Variants in GLI3 observed in about 807,000 individuals in gnomAD.
GLI3 encodes GLI family zinc finger 3.
GLI3 carries 20 observed loss-of-function variants against 100.8 expected under a neutral mutation model. The ratio of observed to expected loss-of-function variants is 0.20; its 90% CI spans 0.14 to 0.29. The LOEUF (loss-of-function observed/expected upper bound fraction) is 0.29, where lower values mean the gene tolerates loss of function less well. Ranked by LOEUF, GLI3 falls within the 10% of genes least tolerant of loss-of-function variation. The pLI is 1.00. For synonymous variants in GLI3, 938 were observed against 860.5 expected (o/e 1.09, Z -1.58); for missense variants, 2,040 against 2,128.5 (o/e 0.96, Z 0.82).
rs185560813 is a variant in GLI3, at chr7:41,983,561, C to T, written c.1498-4813G>A. Among the ~76,000 whole-genome samples, 49 of 152,202 alleles carry T rather than the reference C, an allele frequency of 3.2e-4. No homozygotes were observed. In the East Asian group the frequency reaches 5.2e-3, roughly 16 times the overall value. On this transcript the variant is annotated intron_variant, in intron 10 of 14. Transcript: ENST00000395925. ...AAATTTGACTTCCCAGCAGTGAAAA[C>T]GTTAATCAAATATATAAATAATTTA...
intron 2 of GLI3, chr7:42,152,472 C>G: frequency 1.1e-6 from 1 of 951,894 alleles, no homozygotes; most frequent in Non-Finnish European, 1.3e-6. Flanking sequence ...CTCCCTCTCC[C>G]TCTCCCAGGC....
At position 42,200,850 on chromosome 7, in the gene GLI3, C is replaced by T. The variant is rs1788024326; in HGVS notation, c.124+22280G>A. Reference sequence around the variant, plus strand: ...ATATGTGGATTGGTTAAACCTGAGCCTGTGCAAAAACACAGGACAGACTGA... The same window carrying T: ...ATATGTGGATTGGTTAAACCTGAGCTTGTGCAAAAACACAGGACAGACTGA... On this transcript the variant is annotated intron_variant, in intron 2 of 14. Transcript: ENST00000395925. Among the ~76,000 whole-genome samples, 3 of 152,100 alleles carry T rather than the reference C, an allele frequency of 2.0e-5. No homozygotes were observed. In the South Asian group the frequency reaches 6.2e-4, roughly 31 times the overall value.
intron 10 of GLI3, among the ~76,000 whole-genome samples, chr7:41,994,228 G>C (rs1788065558): frequency 1.3e-5 from 2 of 152,184 alleles, no homozygotes; most frequent in South Asian, 4.1e-4. Context: ...TATCTCACTG[G>C]AATTTGGGCC....
chr7:42,118,379 A>G, intron 3 of GLI3: 1 of 398,508 alleles, frequency 2.5e-6, no homozygotes, highest in Non-Finnish European at 4.4e-6. Flanking sequence ...GATGGATACA[A>G]AGTTTAGAGA....
chr7:42,023,926 G>A (rs550396393), intron 9 of GLI3, among the ~76,000 whole-genome samples: 7 of 151,814 alleles, frequency 4.6e-5, no homozygotes, highest in African/African-American at 1.2e-4. Context: ...AAAACAAAAC[G>A]TAAAACAAAC....
chr7:42,191,655 A>AAAAT lies in GLI3; in HGVS notation c.124+31474_124+31475insATTT, dbSNP rs1429455450. ...ACAAGAGCGAAACTCCGTTTCAAAA[A>AAAAT]ATATATATATATATATATAATATTT... On this transcript the variant is annotated intron_variant, in intron 2 of 14. Coordinates refer to ENST00000395925, the MANE Select transcript of GLI3 (RefSeq NM_000168.6). Among the ~76,000 whole-genome samples the AAAAT allele has an allele frequency of 1.3e-4, 20 of 148,750 alleles. No homozygotes were observed. The South Asian group carries it at 1.7e-3, about 13-fold the overall frequency.
In GLI3 at chr7:41,973,716, A is replaced by G. The variant is rs1787429227; in HGVS notation, c.1813-1089T>C. Among the ~76,000 whole-genome samples, 3 of 152,294 alleles carry G rather than the reference A, an allele frequency of 2.0e-5. No individual in the cohort carries two copies. The South Asian group carries it at 6.2e-4, about 32-fold the overall frequency. On this transcript the variant is annotated intron_variant, in intron 12 of 14. Coordinates refer to ENST00000395925, the MANE Select transcript of GLI3 (RefSeq NM_000168.6). ...TTTAAAAGGATGCCGTGTCTTGTAG[A>G]ATGTATGTCTAAAAGATGCTTTTTC... is the stretch of plus-strand genomic sequence containing the variant.
chr7:42,229,239 CTCT>C (rs767137345), intron 1 of GLI3, among the ~76,000 whole-genome samples: 15 of 152,182 alleles, frequency 9.9e-5, no homozygotes, highest in Non-Finnish European at 1.9e-4. Flanking sequence ...GGCAAAAACT[CTCT>C]TCTCTTTTTT....
At chr7:42,151,037 C>T (rs532345494) in intron 2 of GLI3, among the ~76,000 whole-genome samples, 6 of 152,260 alleles carry the variant, frequency 3.9e-5, no homozygotes, top group Non-Finnish European at 5.9e-5. Flanking sequence ...CCGAAGTGCA[C>T]ATTTTTAATA....
In GLI3 at chr7:41,962,662, G is replaced by A. The variant is rs1294710215; in HGVS notation, c.*1668C>T. ...GCGGAGATTCTTGGTCCAAATGAAAGAACATAAACATGAGAAAAGTGGGCT... is the reference window on the plus strand; with the variant it reads ...GCGGAGATTCTTGGTCCAAATGAAAAAACATAAACATGAGAAAAGTGGGCT... On this transcript the variant is annotated 3_prime_UTR_variant, in exon 15 of 15. Coordinates refer to ENST00000395925, the MANE Select transcript of GLI3 (RefSeq NM_000168.6). 2 of 152,004 alleles carry A rather than the reference G, an allele frequency of 1.3e-5. No homozygotes were observed. The highest frequency in any genetic ancestry group is 6.6e-5 in the Admixed American group (1 of 15,264). 9.4% of individuals were successfully genotyped at this position (152,004 alleles called of 1,614,324 possible). A position where few individuals can be genotyped will look rare whatever the true frequency, so the allele number is the denominator to read the frequency against.
intron 10 of GLI3, among the ~76,000 whole-genome samples, chr7:41,995,050 T>C (rs928312993): frequency 1.3e-5 from 2 of 152,220 alleles, no homozygotes; most frequent in African/African-American, 2.4e-5. Flanking sequence ...TGAAACTCAA[T>C]GTTCGGCCAA....
chr7:42,165,281 A>G (rs1787219209), intron 2 of GLI3, among the ~76,000 whole-genome samples: 2 of 152,180 alleles, frequency 1.3e-5, no homozygotes. Flanking sequence ...GTGTCCCTGC[A>G]TCCCTACTAT....
At chr7:42,229,504 CCTGT>C (rs1229679934) in intron 1 of GLI3, among the ~76,000 whole-genome samples, 1 of 152,160 alleles carries the variant, frequency 6.6e-6, no homozygotes, top group Non-Finnish European at 1.5e-5. Context: ...TTTACACCTG[CCTGT>C]ATTTTCATAA....
chr7:42,260,392 CT>C (rs1789126099), intron 1 of GLI3, among the ~76,000 whole-genome samples: 1 of 152,114 alleles, frequency 6.6e-6, no homozygotes, highest in Admixed American at 6.5e-5. Flanking sequence ...TATTGAATAG[CT>C]GTTATACTTC....
intron 3 of GLI3, among the ~76,000 whole-genome samples, chr7:42,130,774 A>G (rs992048249): frequency 3.9e-5 from 6 of 152,232 alleles, no homozygotes; most frequent in African/African-American, 1.2e-4. Context: ...CAAATGGTCC[A>G]TGAAGGGATG....
chr7:41,994,303 A>G (rs1219095835), intron 10 of GLI3, among the ~76,000 whole-genome samples: 1 of 152,206 alleles, frequency 6.6e-6, no homozygotes, highest in East Asian at 1.9e-4. Flanking sequence ...CTGTCAACGA[A>G]TAGAAAACTA....
intron 4 of GLI3, among the ~76,000 whole-genome samples, chr7:42,068,866 G>A (rs1784728224): frequency 6.6e-6 from 1 of 152,108 alleles, no homozygotes; most frequent in Non-Finnish European, 1.5e-5. Flanking sequence ...TAACCTCAAA[G>A]TGTCTTCCCA....
intron 13 of GLI3, among the ~76,000 whole-genome samples, chr7:41,968,771 A>AGAAG (rs1787290075): frequency 2.2e-5 from 3 of 137,010 alleles, no homozygotes; most frequent in African/African-American, 8.2e-5. Context: ...AAGGAAAGAA[A>AGAAG]GAAAGAAAGA....
chr7:42,200,040 C>T (rs1333661624), intron 2 of GLI3, among the ~76,000 whole-genome samples: 3 of 152,088 alleles, frequency 2.0e-5, no homozygotes, highest in African/African-American at 7.2e-5. Flanking sequence ...TGGACAACAA[C>T]AGCAAAACTC....
Sources: allele counts gnomAD v4.1 joint callset (sites outside exome capture counted in the v4.1 genomes callset), GRCh38; gene constraint gnomAD v4.1.1; transcripts MANE v1.5; gene names NCBI Gene and HGNC (gene_info 2026-07-23, HGNC 2026-07-21).